CMTM8: variants seen among roughly 807,000 people sequenced by gnomAD.
CMTM8 encodes the protein CKLF-like MARVEL transmembrane domain-containing protein 8.
A neutral mutation model predicts 18.6 loss-of-function variants in CMTM8; 12 were observed. The observed-to-expected ratio is 0.65, with a 90% CI of 0.41 to 1.05. The LOEUF (loss-of-function observed/expected upper bound fraction) is 1.05. Among genes scored for constraint, CMTM8 ranks in the 50% least tolerant of loss-of-function variants. The probability of loss-of-function intolerance (pLI) is 0.00; values close to 1 mark genes in which losing one functional copy is unlikely to be tolerated. For missense variants in CMTM8, 217 were observed against 227.2 expected (o/e 0.95, Z 0.29); for synonymous variants, 87 against 90.6 (o/e 0.96, Z 0.23).
intron 1 of CMTM8, among the ~76,000 whole-genome samples, chr3:32,324,915 A>G (rs1347179227): frequency 3.9e-5 from 6 of 152,260 alleles, no homozygotes; most frequent in African/African-American, 1.4e-4. Flanking sequence ...CCAAAGGAAG[A>G]GCAGAGTTAT....
chr3:32,316,119 C>T (rs1050558227), intron 1 of CMTM8, among the ~76,000 whole-genome samples: 10 of 145,738 alleles, frequency 6.9e-5, no homozygotes, highest in East Asian at 6.4e-4. Flanking sequence ...CTCCGCCTCC[C>T]GGGATCACGC....
At position 32,360,439 on chromosome 3, in the gene CMTM8, A is replaced by T. The variant is rs568567335; in HGVS notation, c.321+2893A>T. On this transcript the variant is annotated intron_variant, in intron 2 of 3. Coordinates refer to ENST00000307526, the MANE Select transcript of CMTM8 (RefSeq NM_178868.5). The stretch of plus-strand genomic sequence containing the variant: ...TATGTTTACTGTTACAACTAAATAC[A>T]CCTTTGTAACTTCTCAAAGCATTTG... Among the ~76,000 whole-genome samples, 5 of 152,382 alleles carry T rather than the reference A, an allele frequency of 3.3e-5. No homozygotes were observed. In the East Asian group the frequency reaches 9.6e-4, roughly 29 times the overall value.
chr3:32,363,596 G>A (rs965817128), intron 2 of CMTM8, among the ~76,000 whole-genome samples: 2 of 152,170 alleles, frequency 1.3e-5, no homozygotes, highest in Non-Finnish European at 2.9e-5. Context: ...TGCCACAGAC[G>A]AAGCAGCTGA....
intron 1 of CMTM8, among the ~76,000 whole-genome samples, chr3:32,346,240 A>T (rs1352711463): frequency 1.3e-5 from 2 of 152,220 alleles, no homozygotes; most frequent in African/African-American, 4.8e-5. Flanking sequence ...GGCTTGTGAA[A>T]AACAGAAGTT....
chr3:32,259,858 G>T, intron 1 of CMTM8: 2 of 845,396 alleles, frequency 2.4e-6, no homozygotes, highest in East Asian at 2.4e-5. Context: ...AGTCCTTGGA[G>T]ATTGACCTGG....
chr3:32,286,184 G>A (rs1467259223), intron 1 of CMTM8, among the ~76,000 whole-genome samples: 2 of 152,194 alleles, frequency 1.3e-5, no homozygotes, highest in African/African-American at 2.4e-5. Context: ...TAGCACAAAC[G>A]CAGCCAGAGA....
At chr3:32,313,986 C>G (rs556373659) in intron 1 of CMTM8, among the ~76,000 whole-genome samples, 2 of 152,066 alleles carry the variant, frequency 1.3e-5, no homozygotes, top group African/African-American at 2.4e-5. Context: ...AGAGCGAGAC[C>G]CTGTCTCAGA....
At chr3:32,256,563 G>T (rs1403797941) in intron 1 of CMTM8, among the ~76,000 whole-genome samples, 1 of 152,222 alleles carries the variant, frequency 6.6e-6, no homozygotes, top group Non-Finnish European at 1.5e-5. Context: ...GCAATAAATT[G>T]TAGGTGAAAT....
intron 2 of CMTM8, among the ~76,000 whole-genome samples, chr3:32,359,731 A>T (rs1367284012): frequency 1.3e-5 from 2 of 152,200 alleles, no homozygotes; most frequent in Non-Finnish European, 2.9e-5. Context: ...TAAAAATTTT[A>T]AAATATTGCC....
At chr3:32,361,441 G>A (rs953899802) in intron 2 of CMTM8, among the ~76,000 whole-genome samples, 2 of 152,092 alleles carry the variant, frequency 1.3e-5, no homozygotes, top group Non-Finnish European at 2.9e-5. Context: ...GAGGGATAAT[G>A]AAGACCACAT....
Position 32,358,335 on chromosome 3 carries a change from C to T in CMTM8, c.321+789C>T, listed in dbSNP as rs1696856570. On this transcript the variant is annotated intron_variant, in intron 2 of 3. Coordinates refer to ENST00000307526, the MANE Select transcript of CMTM8 (RefSeq NM_178868.5). This position sits in a 1 kb window ranked among gnomAD's most constrained non-coding sequence, Gnocchi z 4.1. ...AGAGATGGAAAGTGGGTTCCCCTTGCCTTAAGAGCATTGACAATCTGGTTG... is the reference window on the plus strand; with the variant it reads ...AGAGATGGAAAGTGGGTTCCCCTTGTCTTAAGAGCATTGACAATCTGGTTG... Among the ~76,000 whole-genome samples, 1 of 152,116 alleles carries T rather than the reference C, an allele frequency of 6.6e-6. No individual in the cohort carries two copies. Among genetic ancestry groups the T allele is most frequent in the Non-Finnish European group, 1.5e-5 (1 of 68,032 alleles).
At chr3:32,347,318 TTCTC>T (rs1385474118) in intron 1 of CMTM8, among the ~76,000 whole-genome samples, 2 of 149,322 alleles carry the variant, frequency 1.3e-5, no homozygotes, top group African/African-American at 4.9e-5. Context: ...TTGGCGTTAG[TTCTC>T]TCTTTATAGA....
At chr3:32,244,663 T>G (rs1388699828) in intron 1 of CMTM8, among the ~76,000 whole-genome samples, 2 of 152,228 alleles carry the variant, frequency 1.3e-5, no homozygotes, top group Admixed American at 6.5e-5. Context: ...TTTGAATTAT[T>G]ACCGTTTTCT....
intron 2 of CMTM8, among the ~76,000 whole-genome samples, chr3:32,365,854 G>A (rs1697023383): frequency 6.6e-6 from 1 of 152,158 alleles, no homozygotes; most frequent in South Asian, 2.1e-4. Flanking sequence ...AATAGTCTCT[G>A]ATCCAGGGCC....
chr3:32,308,213 C>G (rs1324870888), intron 1 of CMTM8, among the ~76,000 whole-genome samples: 2 of 152,196 alleles, frequency 1.3e-5, no homozygotes, highest in Non-Finnish European at 2.9e-5. Flanking sequence ...GACATTCAGA[C>G]TAAATGGTCC....
intron 2 of CMTM8, 76 bp from the exon 3 acceptor site, chr3:32,367,796 C>G: frequency 1.0e-6 from 1 of 964,318 alleles, no homozygotes; most frequent in Non-Finnish European, 1.7e-6. Context: ...AGAGGTACAG[C>G]CCTCATCACT....
intron 1 of CMTM8, among the ~76,000 whole-genome samples, chr3:32,344,539 T>C (rs1313047591): frequency 6.6e-6 from 1 of 152,190 alleles, no homozygotes; most frequent in Non-Finnish European, 1.5e-5. Flanking sequence ...AGAATTGCTG[T>C]CACAAAGCTC....
chr3:32,264,851 A>C (rs1289185451), intron 1 of CMTM8, among the ~76,000 whole-genome samples: 2 of 152,230 alleles, frequency 1.3e-5, no homozygotes, highest in African/African-American at 4.8e-5. Flanking sequence ...CAAAAGAGAC[A>C]AAGAAGGCCA....
At chr3:32,311,814 C>A (rs979984696) in intron 1 of CMTM8, among the ~76,000 whole-genome samples, 5 of 152,180 alleles carry the variant, frequency 3.3e-5, no homozygotes, top group African/African-American at 7.2e-5. Context: ...TGCCCCTGCC[C>A]ACTTCAAACG....
Sources: gnomAD v4.1 joint callset for allele counts (sites outside exome capture counted in the v4.1 genomes callset) on GRCh38, gnomAD v4.1.1 for gene constraint, Gnocchi (gnomAD v3.1) non-coding constraint, MANE v1.5 for transcripts, NCBI Gene and HGNC (gene_info 2026-07-23, HGNC 2026-07-21) for gene names.